The following CGN variants were observed in gnomAD, a reference collection of about 807,000 sequenced individuals.
CGN encodes the protein cingulin.
CGN carries 121 observed loss-of-function variants against 157.1 expected under a neutral mutation model. The ratio of observed to expected loss-of-function variants is 0.77; its 90% confidence interval spans 0.66 to 0.90. CGN has a LOEUF of 0.90. Among genes scored for constraint, CGN ranks in the 40% least tolerant of loss-of-function variants. The pLI is 0.00. For missense variants in CGN, 1,424 were observed against 1,520.9 expected (o/e 0.94, Z 1.06); for synonymous variants, 535 against 607.5 (o/e 0.88, Z 1.76).
chr1:151,523,573 T>C lies in CGN; in HGVS notation c.1268+12T>C, dbSNP rs763821818. The C allele has an allele frequency of 6.3e-7, 1 of 1,597,432 alleles. No homozygotes were observed. The highest frequency in any genetic ancestry group is 8.5e-7 in the Non-Finnish European group (1 of 1,172,750). ...CAGAGCAACAAGGAGTGAGTGCAGC[T>C]GGTGGCGCACCTCGGGCTGCTTGGG... On this transcript the variant is annotated intron_variant, in intron 6 of 20. Transcript: ENST00000271636.
chr1:151,530,843 A>T (rs1374368501), intron 13 of CGN, 97 bp downstream of exon 13: 2 of 1,324,066 alleles, frequency 1.5e-6, no homozygotes, highest in African/African-American at 2.9e-5. Flanking sequence ...GGTTAGTCAG[A>T]ATGTGTGATG....
intron 14 of CGN, 37 bp downstream of exon 14, chr1:151,532,609 C>CAA: frequency 8.6e-7 from 1 of 1,156,348 alleles, no homozygotes; most frequent in Non-Finnish European, 1.1e-6. Context: ...AAGGTCCTTG[C>CAA]CTCTTTTTTT....
At chr1:151,522,030 C>A (rs1040624921) in intron 5 of CGN, among the ~76,000 whole-genome samples, 1 of 152,018 alleles carries the variant, frequency 6.6e-6, no homozygotes, top group Non-Finnish European at 1.5e-5. Context: ...ATAATCCCAG[C>A]ACTTTGGGAG....
chr1:151,524,696 T>A lies in CGN; in HGVS notation c.1424T>A (p.Leu475His), dbSNP rs774470926. Residue 475 changes from leucine to histidine, a missense_variant, in exon 8 of 21, where the codon CTT (leucine) becomes CAT (histidine). Coordinates refer to ENST00000271636, the MANE Select transcript of CGN (RefSeq NM_020770.3). This position sits in a 1 kb window ranked among gnomAD's most constrained non-coding sequence, Gnocchi z 4.4. ...CAGGACCTGTTAGAGACCCGGGAAC[T>A]TCTGGAAGAGGTCTTGGAGGGGAAA... ...LLKDLLETRELLEEVLEGKQR... is the reference protein window; with the variant it reads ...LLKDLLETREHLEEVLEGKQR... The A allele has an allele frequency of 6.2e-7, 1 of 1,608,736 alleles. No homozygotes were observed. The highest frequency in any genetic ancestry group is 8.5e-7 in the Non-Finnish European group (1 of 1,178,980).
intron 19 of CGN, 53 bp from the exon 20 acceptor site, chr1:151,536,677 C>T: frequency 6.3e-7 from 1 of 1,581,162 alleles, no homozygotes; most frequent in South Asian, 1.1e-5. Flanking sequence ...GGGAGGGTCC[C>T]AGGCCATGGT....
At chr1:151,520,919 G>T (rs1664531083) in intron 5 of CGN, among the ~76,000 whole-genome samples, 2 of 152,168 alleles carry the variant, frequency 1.3e-5, no homozygotes, top group Non-Finnish European at 2.9e-5. Flanking sequence ...CACTCCCTTT[G>T]GGAGTTCCCA....
chr1:151,523,048 T>C (rs189941223), intron 5 of CGN, among the ~76,000 whole-genome samples: 64 of 152,294 alleles, frequency 4.2e-4, no homozygotes, highest in Non-Finnish European at 7.6e-4. Flanking sequence ...ATCCTCACAA[T>C]ATAACAGCTA....
In CGN at chr1:151,524,381, C is replaced by T; in HGVS notation, c.1401+23C>T. On this transcript the variant is annotated intron_variant, in intron 7 of 20. Coordinates refer to ENST00000271636, the MANE Select transcript of CGN (RefSeq NM_020770.3). The surrounding 1 kb of genome is among the most constrained non-coding windows in gnomAD (Gnocchi z 4.4). ...AAGGTAGGGTCTGGGGTCATATGCC[C>T]CAGCCTCTGCTTTTTCTCAGTTGGA... is the stretch of plus-strand genomic sequence containing the variant. 1 of 1,609,688 alleles carries T rather than the reference C, an allele frequency of 6.2e-7. No individual in the cohort carries two copies. The highest frequency in any genetic ancestry group is 8.5e-7 in the Non-Finnish European group (1 of 1,177,954).
rs1375669184 is a variant in CGN, at chr1:151,536,382, G to C, written c.3306+37G>C. Reference sequence around the variant, plus strand: ...GCACCCTGGAGCCAAGCAACCTGGGGCAGGTATATATTATATGTTTTCCTG... The same window carrying C: ...GCACCCTGGAGCCAAGCAACCTGGGCCAGGTATATATTATATGTTTTCCTG... On this transcript the variant is annotated intron_variant, in intron 19 of 20. Coordinates refer to ENST00000271636, the MANE Select transcript of CGN (RefSeq NM_020770.3). 2.6e-6 allele frequency: 3 copies of C among 1,166,050 alleles called. No individual in the cohort carries two copies. In the African/African-American group the frequency reaches 4.5e-5, roughly 18 times the overall value. The allele number at this position is 1,166,050 out of a possible 1,614,324, so 72.2% of individuals were successfully genotyped here. A position where few individuals can be genotyped will look rare whatever the true frequency, so the allele number is the denominator to read the frequency against.
chr1:151,529,708 G>C (rs2102498826), intron 11 of CGN, 149 bp downstream of exon 11: 1 of 856,102 alleles, frequency 1.2e-6, no homozygotes, highest in East Asian at 2.7e-5. Context: ...GCCAGGATTT[G>C]GCAGGGGGAG....
At chr1:151,516,839 G>T (rs1350330400) in intron 1 of CGN, among the ~76,000 whole-genome samples, 1 of 151,616 alleles carries the variant, frequency 6.6e-6, no homozygotes, top group Non-Finnish European at 1.5e-5. Flanking sequence ...ACCATGCCCG[G>T]CCGAGTGGCA....
intron 18 of CGN, 21 bp from the exon 19 acceptor site, chr1:151,536,216 C>T: frequency 6.9e-7 from 1 of 1,459,230 alleles, no homozygotes; most frequent in Non-Finnish European, 9.6e-7. Context: ...CACTCATAGA[C>T]ATTCTTCTAC....
intron 5 of CGN, among the ~76,000 whole-genome samples, chr1:151,521,491 A>C (rs775129538): frequency 3.3e-5 from 5 of 152,236 alleles, no homozygotes; most frequent in African/African-American, 4.8e-5. Context: ...GGATTATGAT[A>C]GTACTATATT....
chr1:151,533,638 C>T (rs1664890468), intron 14 of CGN, among the ~76,000 whole-genome samples: 1 of 143,768 alleles, frequency 7.0e-6, no homozygotes. Context: ...ACTAAAAATA[C>T]AAAAAATTAG....
rs147457851 is a variant in CGN at position 151,519,200 on chromosome 1, G to A, written c.681G>A (p.Arg227=). ...TCCCACGGGACACCTTTGAGGAACG[G>A]GAGCGCCAGTCCACCAACCACTGGA... ...SRLPRDTFEE[R]ERQSTNHWTS... The change falls in exon 2 of 21, where the codon CGG becomes CGA. Residue 227 remains arginine (R), a synonymous_variant. Coordinates refer to ENST00000271636, the MANE Select transcript of CGN (RefSeq NM_020770.3). The A allele has an allele frequency of 4.9e-4, 786 of 1,614,050 alleles. No individual in the cohort carries two copies. The highest frequency in any genetic ancestry group is 6.2e-4 in the Non-Finnish European group (733 of 1,180,044).
chr1:151,511,070 T>A (rs1428970381), upstream of CGN: 1 of 152,276 alleles, frequency 6.6e-6, no homozygotes, highest in African/African-American at 2.4e-5. The surrounding 1 kb of genome is among the most constrained non-coding windows in gnomAD (Gnocchi z 4.8). Flanking sequence ...GAGGCTGTTT[T>A]CTAGCAGAGC....
rs181234406 is a variant in CGN, at chr1:151,519,405, C to A, written c.873+13C>A. 5.8e-4 allele frequency: 899 copies of A among 1,560,102 alleles called. 6 individuals carry two copies. Among genetic ancestry groups the A allele is most frequent in the African/African-American group, 5.4e-3 (397 of 73,856 alleles). On this transcript the variant is annotated intron_variant, in intron 2 of 20. Transcript: ENST00000271636. ...CACCATGCTGCAGGTCAGACCCAGC[C>A]CCTCCCTGACTTCTAAATGTCAGCC...
In CGN at chr1:151,512,189, T is replaced by TGAGA. The variant is rs149076389; in HGVS notation, c.-15+686_-15+689dup. 1.7e-4 allele frequency among the ~76,000 whole-genome samples: 25 copies of TGAGA among 151,386 alleles called. No individual in the cohort carries two copies. In the East Asian group the frequency reaches 4.3e-3, roughly 26 times the overall value. On this transcript the variant is annotated intron_variant, in intron 1 of 20. Transcript: ENST00000271636. ...AGGGAGAATCGTTCCTTCTTCCTCT[T>TGAGA]GAGAGAGAGAGAGAGTACTCCCCAA...
intron 1 of CGN, 117 bp from the exon 2 acceptor site, chr1:151,518,389 T>C: frequency 1.2e-6 from 1 of 843,318 alleles, no homozygotes. Flanking sequence ...GGCCTTCTGT[T>C]AGTCTGAGAA....
Sources: gnomAD v4.1 joint callset for allele counts (sites outside exome capture counted in the v4.1 genomes callset) on GRCh38, gnomAD v4.1.1 for gene constraint, Gnocchi (gnomAD v3.1) non-coding constraint, MANE v1.5 for transcripts, NCBI Gene and HGNC (gene_info 2026-07-23, HGNC 2026-07-21) for gene names.